The following SLC44A1 variants were observed in gnomAD, a reference collection of about 807,000 sequenced individuals.
The protein encoded by SLC44A1 is solute carrier family 44 member 1, also known as choline transporter-like protein 1.
A neutral mutation model predicts 79.3 loss-of-function variants in SLC44A1; 26 were observed. The observed-to-expected ratio is 0.33, with a 90% CI of 0.24 to 0.46. The LOEUF (loss-of-function observed/expected upper bound fraction) is 0.46. Ranked by LOEUF, SLC44A1 falls within the 20% of genes least tolerant of loss-of-function variation. SLC44A1 has a pLI of 1.00. For synonymous variants in SLC44A1, 263 were observed against 286.2 expected (o/e 0.92, Z 0.82); for missense variants, 688 against 798.1 (o/e 0.86, Z 1.66).
chr9:105,419,168 G>A (rs927812975), intron 15 of SLC44A1, among the ~76,000 whole-genome samples: 7 of 152,130 alleles, frequency 4.6e-5, no homozygotes, highest in Admixed American at 1.3e-4. Flanking sequence ...AAAAAAATGC[G>A]AGTTTGCAAA....
In SLC44A1 at chr9:105,392,290, T is replaced by C. The variant is rs998281064; in HGVS notation, c.*3234T>C. The C allele has an allele frequency of 2.0e-6, 2 of 984,222 alleles. No individual in the cohort carries two copies. Among genetic ancestry groups the C allele is most frequent in the East Asian group, 1.1e-4 (1 of 8,822 alleles). The allele number at this position is 984,222 out of a possible 1,614,324, so 61.0% of individuals were successfully genotyped here. A position where few individuals can be genotyped will look rare whatever the true frequency, so the allele number is the denominator to read the frequency against. On this transcript the variant is annotated 3_prime_UTR_variant, in exon 16 of 16. Coordinates refer to ENST00000374720, the MANE Select transcript of SLC44A1 (RefSeq NM_080546.5). ...CTACAACTTAAGTAGCTTAACTGTA[T>C]GTTGGTACCCAAACTTTTTCTATAA...
At chr9:105,317,623 T>C (rs1831362454) in intron 3 of SLC44A1, among the ~76,000 whole-genome samples, 1 of 152,074 alleles carries the variant, frequency 6.6e-6, no homozygotes, top group Non-Finnish European at 1.5e-5. Flanking sequence ...CAAGCTTGGT[T>C]CTCACTGTCT....
At position 105,356,288 on chromosome 9, in the gene SLC44A1, A is replaced by G. The variant is rs41306484; in HGVS notation, c.577A>G (p.Thr193Ala). 0.014 allele frequency: 22,529 copies of G among 1,612,834 alleles called. 226 individuals carry two copies. Among genetic ancestry groups the G allele is most frequent in the Non-Finnish European group, 0.017 (19,624 of 1,179,026 alleles). The change falls in exon 6 of 16, where the codon ACC becomes GCC. Residue 193 changes from threonine to alanine, a missense_variant. Thr to Ala is a moderately conservative substitution (Grantham distance 58, BLOSUM62 0). Coordinates refer to ENST00000374720, the MANE Select transcript of SLC44A1 (RefSeq NM_080546.5). ...TGCCAAGTTTGCAGAGGCCCTGATC[A>G]CCTTTGTCAGTGACAATAGTGTCTT... Reference protein sequence around the residue: ...CYAKFAEALITFVSDNSVLHR... With the variant: ...CYAKFAEALIAFVSDNSVLHR...
At chr9:105,261,775 C>CTTTTT (rs35530318) in intron 1 of SLC44A1, among the ~76,000 whole-genome samples, 4 of 111,690 alleles carry the variant, frequency 3.6e-5, no homozygotes, top group African/African-American at 7.5e-5. Context: ...CTCTCTCTCT[C>CTTTTT]TTTTTTTTTT....
At position 105,391,533 on chromosome 9, in the gene SLC44A1, C is replaced by G. The variant is rs1428417082; in HGVS notation, c.*2477C>G. 1.0e-6 allele frequency: 1 copy of G among 985,314 alleles called. No homozygotes were observed. Among genetic ancestry groups the G allele is most frequent in the Non-Finnish European group, 1.2e-6 (1 of 829,826 alleles). 61.0% of individuals were successfully genotyped at this position (985,314 alleles called of 1,614,324 possible). On this transcript the variant is annotated 3_prime_UTR_variant, in exon 16 of 16. Coordinates refer to ENST00000374720, the MANE Select transcript of SLC44A1 (RefSeq NM_080546.5). Reference sequence around the variant, plus strand: ...CAGATATGCATTACACAGGCACACACAGAGAGATATTTAATATGTGGAATA... The same window carrying G: ...CAGATATGCATTACACAGGCACACAGAGAGAGATATTTAATATGTGGAATA...
At chr9:105,309,667 G>A in intron 2 of SLC44A1, 57 bp from the exon 3 acceptor site, 2 of 1,523,140 alleles carry the variant, frequency 1.3e-6, no homozygotes, top group South Asian at 2.3e-5. Context: ...GTATCAACTA[G>A]TGACTGTTGG....
intron 1 of SLC44A1, among the ~76,000 whole-genome samples, chr9:105,272,215 A>T (rs1013305691): frequency 1.3e-5 from 2 of 152,142 alleles, no homozygotes; most frequent in African/African-American, 4.8e-5. Flanking sequence ...TAACTTTTTT[A>T]ATTGTACACC....
intron 1 of SLC44A1, among the ~76,000 whole-genome samples, chr9:105,261,775 C>CT (rs35530318): frequency 0.1 from 11,643 of 111,674 alleles, 1,127 homozygotes; most frequent in African/African-American, 0.18. Flanking sequence ...CTCTCTCTCT[C>CT]TTTTTTTTTT....
chr9:105,340,344 C>G (rs1827049014), intron 4 of SLC44A1, among the ~76,000 whole-genome samples: 1 of 152,110 alleles, frequency 6.6e-6, no homozygotes, highest in Non-Finnish European at 1.5e-5. Context: ...TTTATATAGA[C>G]AGAAAGTAGA....
intron 1 of SLC44A1, among the ~76,000 whole-genome samples, chr9:105,245,984 T>C (rs1829434451): frequency 6.6e-6 from 1 of 152,210 alleles, no homozygotes; most frequent in Non-Finnish European, 1.5e-5. Context: ...CAAACTGTCT[T>C]GTGGTGGTGT....
At chr9:105,418,079 G>A (rs907879493) in intron 15 of SLC44A1, among the ~76,000 whole-genome samples, 4 of 152,040 alleles carry the variant, frequency 2.6e-5, no homozygotes, top group Non-Finnish European at 5.9e-5. Flanking sequence ...ACTCTGGGAG[G>A]CCGAGGCGGG....
chr9:105,406,190 T>C (rs1829027371), intron 15 of SLC44A1, among the ~76,000 whole-genome samples: 1 of 151,632 alleles, frequency 6.6e-6, no homozygotes, highest in Admixed American at 6.6e-5. Context: ...GACCATAAAC[T>C]AACAAAACAG....
intron 1 of SLC44A1, among the ~76,000 whole-genome samples, chr9:105,271,360 T>C (rs1029942924): frequency 6.6e-6 from 1 of 152,230 alleles, no homozygotes; most frequent in African/African-American, 2.4e-5. Context: ...CTATGTTCCC[T>C]TGTATCTTTT....
intron 5 of SLC44A1, among the ~76,000 whole-genome samples, chr9:105,349,935 G>A (rs1827354136): frequency 6.6e-6 from 1 of 152,126 alleles, no homozygotes; most frequent in Admixed American, 6.6e-5. Context: ...GTTGAGGACT[G>A]CCTGTTCCTG....
At chr9:105,415,133 T>C (rs933591339) in intron 15 of SLC44A1, among the ~76,000 whole-genome samples, 3 of 152,100 alleles carry the variant, frequency 2.0e-5, no homozygotes, top group Non-Finnish European at 4.4e-5. Flanking sequence ...AAGGGCACAA[T>C]AGAGGTTTAT....
In SLC44A1 at chr9:105,307,543, C is replaced by T. The variant is rs566977599; in HGVS notation, c.127-2181C>T. On this transcript the variant is annotated intron_variant, in intron 2 of 15. Transcript: ENST00000374720. ...CCTGTCCTCCCAGCTGCTCAGGAGG[C>T]TGATGCAGGAGAATCGCTTGAACCT... is the stretch of plus-strand genomic sequence containing the variant. 2.0e-5 allele frequency among the ~76,000 whole-genome samples: 3 copies of T among 151,760 alleles called. No homozygotes were observed. In the South Asian group the frequency reaches 6.3e-4, roughly 32 times the overall value.
In SLC44A1 at chr9:105,397,056, G is replaced by A. The variant is rs1588867771; in HGVS notation, c.*8000G>A. Reference sequence around the variant, plus strand: ...AGGACTTTAAAAATATGTATATTAAGCAATTAACTTTCTGGAGTTGGAGTT... The same window carrying A: ...AGGACTTTAAAAATATGTATATTAAACAATTAACTTTCTGGAGTTGGAGTT... On this transcript the variant is annotated 3_prime_UTR_variant, in exon 16 of 16. Coordinates refer to ENST00000374720, the MANE Select transcript of SLC44A1 (RefSeq NM_080546.5). 2 of 985,094 alleles carry A rather than the reference G, an allele frequency of 2.0e-6. No homozygotes were observed. Among genetic ancestry groups the A allele is most frequent in the Non-Finnish European group, 2.4e-6 (2 of 829,690 alleles). The allele number at this position is 985,094 out of a possible 1,614,324, so 61.0% of individuals were successfully genotyped here. A position where few individuals can be genotyped will look rare whatever the true frequency, so the allele number is the denominator to read the frequency against.
intron 1 of SLC44A1, among the ~76,000 whole-genome samples, chr9:105,269,466 G>A (rs1830032042): frequency 6.6e-6 from 1 of 152,014 alleles, no homozygotes; most frequent in Admixed American, 6.6e-5. Flanking sequence ...TAAAATTCAG[G>A]TATATCATGT....
chr9:105,413,702 A>G (rs1478900967), intron 15 of SLC44A1, among the ~76,000 whole-genome samples: 3 of 152,242 alleles, frequency 2.0e-5, no homozygotes, highest in East Asian at 1.9e-4. Context: ...TAATCCAGGC[A>G]CTATGCTAAG....
Sources: gnomAD v4.1 joint callset for allele counts (sites outside exome capture counted in the v4.1 genomes callset) on GRCh38, gnomAD v4.1.1 for gene constraint, MANE v1.5 for transcripts, NCBI Gene and HGNC (gene_info 2026-07-23, HGNC 2026-07-21) for gene names.